PITRM1: variants seen among roughly 807,000 people sequenced by gnomAD.
PITRM1 encodes presequence protease, mitochondrial.
In PITRM1, 100 loss-of-function variants were observed where a neutral mutation model predicts 129.9. That is an observed-to-expected ratio of 0.77 (90% CI 0.65 to 0.91). The LOEUF (loss-of-function observed/expected upper bound fraction) is 0.91, where lower values mean the gene tolerates loss of function less well. Among genes scored for constraint, PITRM1 ranks in the 40% least tolerant of loss-of-function variants. The pLI, the probability that PITRM1 is intolerant of heterozygous loss-of-function variation, is 0.00. For missense variants in PITRM1, 1,471 were observed against 1,318.3 expected (o/e 1.12, Z -1.79); for synonymous variants, 591 against 508.8 (o/e 1.16, Z -2.17).
intron 8 of PITRM1, 116 bp downstream of exon 8, chr10:3,160,088 T>A: frequency 7.8e-7 from 1 of 1,279,246 alleles, no homozygotes; most frequent in South Asian, 1.3e-5. Flanking sequence ...CTTGAAAAGC[T>A]CTCCCATACT....
chr10:3,155,789 C>T, intron 13 of PITRM1, 60 bp from the exon 14 acceptor site: 1 of 1,582,596 alleles, frequency 6.3e-7, no homozygotes, highest in Non-Finnish European at 8.6e-7. Context: ...TATATCCTAA[C>T]ACTCAACAAG....
Position 3,151,370 on chromosome 10 carries a change from A to T in PITRM1, c.1622-7T>A. ...TGACTCCGTAATTCTAGACCTAAAA[A>T]AGAAACAAGAAAAAGGAATATTCAG... On this transcript the variant is annotated splice_polypyrimidine_tract_variant and splice_region_variant and intron_variant, in intron 14 of 26. Transcript: ENST00000224949. 3 of 1,100,824 alleles carry T rather than the reference A, an allele frequency of 2.7e-6. No individual in the cohort carries two copies. Among genetic ancestry groups the T allele is most frequent in the Non-Finnish European group, 3.7e-6 (3 of 802,846 alleles). 68.2% of individuals were successfully genotyped at this position (1,100,824 alleles called of 1,614,324 possible). A position where few individuals can be genotyped will look rare whatever the true frequency, so the allele number is the denominator to read the frequency against.
chr10:3,145,485 G>C, intron 21 of PITRM1, 111 bp downstream of exon 21: 1 of 864,264 alleles, frequency 1.2e-6, no homozygotes. Context: ...CGGGGGATAT[G>C]AACCCCCACA....
At chr10:3,166,896 A>G in intron 3 of PITRM1, 40 bp downstream of exon 3, 1 of 1,216,300 alleles carries the variant, frequency 8.2e-7, no homozygotes. Context: ...TGATTTAAAT[A>G]AAAACATTCA....
rs1455202276 is a variant in PITRM1 at position 3,138,988 on chromosome 10, C to T, written c.2833G>A (p.Gly945Arg). 1.9e-6 allele frequency: 3 copies of T among 1,613,896 alleles called. No individual in the cohort carries two copies. Among genetic ancestry groups the T allele is most frequent in the Non-Finnish European group, 2.5e-6 (3 of 1,179,800 alleles). Residue 945 changes from glycine to arginine, a missense_variant, in exon 25 of 27, where the codon GGA (glycine) becomes AGA (arginine). By Grantham distance (125) the Gly-to-Arg change is moderately radical. Transcript: ENST00000224949. ...FGKAVDWAKS[G>R]KFTQQDIDEA... ...TCGATGTCTTGCTGTGTGAATTTTCCAGACTTAGCCCAGTCGACAGCCTTC... is the reference window on the plus strand; with the variant it reads ...TCGATGTCTTGCTGTGTGAATTTTCTAGACTTAGCCCAGTCGACAGCCTTC...
intron 23 of PITRM1, chr10:3,141,834 T>TC (rs956513424): frequency 3.6e-6 from 1 of 280,176 alleles, no homozygotes; most frequent in Non-Finnish European, 7.5e-6. Flanking sequence ...CACGACCATC[T>TC]CGTGTGGGTC....
intron 22 of PITRM1, 191 bp downstream of exon 22, chr10:3,144,099 GCC>G (rs1840574335): frequency 1.2e-5 from 7 of 597,664 alleles, no homozygotes; most frequent in South Asian, 1.0e-4. Context: ...CCCCACCAGG[GCC>G]TTCACTCAGT....
At chr10:3,166,486 C>G (rs1000057675) in intron 3 of PITRM1, 106 bp from the exon 4 acceptor site, 1 of 493,650 alleles carries the variant, frequency 2.0e-6, no homozygotes, top group Non-Finnish European at 3.5e-6. Context: ...CATTCTGACA[C>G]CACAATCCTC....
chr10:3,137,926 C>G lies in PITRM1; in HGVS notation c.*105G>C. The stretch of plus-strand genomic sequence containing the variant: ...GCCAGTCAAGGGCTTTGGCGACACT[C>G]AATGACATAATATTCTTGGAAAAAG... On this transcript the variant is annotated 3_prime_UTR_variant, in exon 27 of 27. Transcript: ENST00000224949. The G allele has an allele frequency of 1.4e-6, 1 of 708,086 alleles. No homozygotes were observed. The highest frequency in any genetic ancestry group is 2.4e-6 in the Non-Finnish European group (1 of 413,504). The allele number at this position is 708,086 out of a possible 1,614,324, so 43.9% of individuals were successfully genotyped here. A position where few individuals can be genotyped will look rare whatever the true frequency, so the allele number is the denominator to read the frequency against.
At chr10:3,138,199 C>T (rs1204115213) in intron 26 of PITRM1, 36 bp downstream of exon 26, 2 of 1,585,722 alleles carry the variant, frequency 1.3e-6, no homozygotes, top group Non-Finnish European at 8.7e-7. Flanking sequence ...CGAGGGCTTC[C>T]AGTCCCAGAC....
At chr10:3,163,976 G>T in intron 6 of PITRM1, 91 bp from the exon 7 acceptor site, 2 of 806,382 alleles carry the variant, frequency 2.5e-6, no homozygotes, top group Non-Finnish European at 3.7e-6. Context: ...ATCACATTCT[G>T]GTGCATACAC....
At chr10:3,156,891 A>T in intron 13 of PITRM1, 39 bp downstream of exon 13, 1 of 1,361,568 alleles carries the variant, frequency 7.3e-7, no homozygotes, top group Non-Finnish European at 9.9e-7. Context: ...ATAAAATTCA[A>T]CTTCAAAATT....
At chr10:3,138,513 G>A (rs1402885367) in intron 25 of PITRM1, 176 bp from the exon 26 acceptor site, 4 of 636,498 alleles carry the variant, frequency 6.3e-6, no homozygotes, top group African/African-American at 5.4e-5. Context: ...GCTCCCACGT[G>A]CCACGCTGAC....
chr10:3,138,096 C>A lies in PITRM1; in HGVS notation c.3049G>T (p.Gly1017Cys). 1 of 1,610,374 alleles carries A rather than the reference C, an allele frequency of 6.2e-7. No homozygotes were observed. The highest frequency in any genetic ancestry group is 8.5e-7 in the Non-Finnish European group (1 of 1,178,426). ...RYLGTGKSTH[G>C]LAILGPENPK... Reference sequence around the variant, plus strand: ...TTCTCGGGTCCGAGGATGGCCAGGCCGTGTGTGCTCTTCCCAGTGCCGAGG... The same window carrying A: ...TTCTCGGGTCCGAGGATGGCCAGGCAGTGTGTGCTCTTCCCAGTGCCGAGG... The change falls in exon 27 of 27, where the codon GGC (glycine) becomes TGC (cysteine). Residue 1017 changes from glycine (G) to cysteine (C), a missense_variant. Transcript: ENST00000224949.
Position 3,168,631 on chromosome 10 carries a change from G to C in PITRM1, c.159+1473C>G, listed in dbSNP as rs1843080287. On this transcript the variant is annotated intron_variant, in intron 2 of 26. Coordinates refer to ENST00000224949, the MANE Select transcript of PITRM1 (RefSeq NM_014889.4). The stretch of plus-strand genomic sequence containing the variant: ...CTCGTGACAGTGAGCACGTTCTCAT[G>C]AGAGCTGACGGTTTTATAAGGGGCT... 2.0e-5 allele frequency among the ~76,000 whole-genome samples: 3 copies of C among 152,130 alleles called. No individual in the cohort carries two copies. In the South Asian group the frequency reaches 6.2e-4, roughly 31 times the overall value.
At chr10:3,160,030 C>A in intron 8 of PITRM1, 94 bp from the exon 9 acceptor site, 3 of 1,238,004 alleles carry the variant, frequency 2.4e-6, no homozygotes, top group Non-Finnish European at 3.5e-6. Flanking sequence ...GCGAAACAGG[C>A]TTTCCACTAA....
At chr10:3,168,622 C>T (rs922424116) in intron 2 of PITRM1, among the ~76,000 whole-genome samples, 3 of 147,062 alleles carry the variant, frequency 2.0e-5, no homozygotes, top group Non-Finnish European at 3.0e-5. Context: ...ACAGTGAGCA[C>T]GTTCTCATGA....
rs202233012 is a variant in PITRM1 at position 3,159,867 on chromosome 10, C to A, written c.988G>T (p.Val330Phe). Residue 330 changes from valine (V) to phenylalanine (F), a missense_variant, in exon 9 of 27, where the codon GTT (valine) becomes TTT (phenylalanine). By Grantham distance (50) the Val-to-Phe change is conservative. Coordinates refer to ENST00000224949, the MANE Select transcript of PITRM1 (RefSeq NM_014889.4). The stretch of plus-strand genomic sequence containing the variant: ...ACTTACTCCGGTAAGAGGAAGCTAA[C>A]GCTGATGGTTGTTTGTTTAGAGGGA... ...TDPSKQTTIS[V>F]SFLLPDITDT... 1.2e-6 allele frequency: 2 copies of A among 1,600,122 alleles called. No homozygotes were observed. The highest frequency in any genetic ancestry group is 4.5e-5 in the East Asian group (2 of 44,708).
chr10:3,159,464 G>A (rs1588693979), intron 9 of PITRM1, among the ~76,000 whole-genome samples: 1 of 152,262 alleles, frequency 6.6e-6, no homozygotes, highest in East Asian at 1.9e-4. Flanking sequence ...TGAAACCACC[G>A]GAATTACAAA....
Sources: gnomAD v4.1 joint callset for allele counts (sites outside exome capture counted in the v4.1 genomes callset) on GRCh38, gnomAD v4.1.1 for gene constraint, MANE v1.5 for transcripts, NCBI Gene and HGNC (gene_info 2026-07-23, HGNC 2026-07-21) for gene names.